NOSTRIN: variants seen among roughly 807,000 people sequenced by gnomAD.
NOSTRIN encodes nitric oxide synthase trafficking.
A neutral mutation model predicts 59.0 loss-of-function variants in NOSTRIN; 63 were observed. The ratio of observed to expected loss-of-function variants is 1.07; its 90% CI spans 0.87 to 1.32. The LOEUF (loss-of-function observed/expected upper bound fraction) is 1.32, where lower values mean the gene tolerates loss of function less well. Among genes scored for constraint, NOSTRIN ranks in the 40% most tolerant of loss-of-function variants. The pLI is 0.00. For synonymous variants in NOSTRIN, 200 were observed against 165.4 expected, an observed-to-expected ratio of 1.21 and a Z score of -1.61; for missense variants, 512 against 473.1, an observed-to-expected ratio of 1.08 and a Z score of -0.76.
intron 14 of NOSTRIN, 24 bp from the exon 15 acceptor site, chr2:168,861,936 T>A (rs746094861): frequency 6.2e-7 from 1 of 1,608,788 alleles, no homozygotes; most frequent in Non-Finnish European, 8.5e-7. Flanking sequence ...CACAGCATAC[T>A]AATTACAGCT....
chr2:168,864,771 T>C lies in NOSTRIN; in HGVS notation c.1385-63T>C. On this transcript the variant is annotated intron_variant, in intron 15 of 15. Transcript: ENST00000317647. The stretch of plus-strand genomic sequence containing the variant: ...AAGCAGAACCTCCTTAAAACTCTTA[T>C]CAATCGGGCTGAGGCATGTGTTCAC... 7 of 1,581,450 alleles carry C rather than the reference T, an allele frequency of 4.4e-6. No homozygotes were observed. The Admixed American group carries it at 7.0e-5, about 16-fold the overall frequency.
exon 2 of NOSTRIN, chr2:168,788,037 G>C (rs1281184165): frequency 6.6e-6 from 1 of 151,926 alleles, no homozygotes; most frequent in Non-Finnish European, 1.5e-5. Flanking sequence ...AAAGAAAATA[G>C]TGATAAGAAA....
At chr2:168,805,205 C>A (rs919306607) in intron 1 of NOSTRIN, among the ~76,000 whole-genome samples, 6 of 152,154 alleles carry the variant, frequency 3.9e-5, no homozygotes, top group African/African-American at 9.7e-5. Flanking sequence ...GACAGCTGGG[C>A]CTTTCAACCT....
At chr2:168,842,846 T>C (rs1574312596) in intron 7 of NOSTRIN, 146 bp from the exon 8 acceptor site, 5 of 626,174 alleles carry the variant, frequency 8.0e-6, no homozygotes, top group Non-Finnish European at 1.4e-5. Flanking sequence ...TAAAGATCTT[T>C]CATTTTGTCA....
chr2:168,859,027 TAA>T (rs1689281941), intron 12 of NOSTRIN: 1 of 152,784 alleles, frequency 6.5e-6, no homozygotes, highest in African/African-American at 2.4e-5. Flanking sequence ...AGTATTCCTG[TAA>T]ACTTTGTGGG....
rs544695977 is a variant in NOSTRIN, at chr2:168,823,284, A to G, written c.114-1350A>G. ...GCCCACCTCGGCCTCCCAAAATGCT[A>G]GGATTACAGGCGTGAGCCACCGCGC... On this transcript the variant is annotated intron_variant, in intron 2 of 15. Coordinates refer to ENST00000317647, the MANE Select transcript of NOSTRIN (RefSeq NM_001039724.4). Among the ~76,000 whole-genome samples the G allele has an allele frequency of 3.6e-4, 55 of 152,098 alleles. 1 individual carries two copies. In the South Asian group the frequency reaches 4.8e-3, roughly 13 times the overall value.
chr2:168,824,488 T>C, intron 2 of NOSTRIN, 146 bp from the exon 3 acceptor site: 1 of 534,128 alleles, frequency 1.9e-6, no homozygotes, highest in East Asian at 3.5e-5. Flanking sequence ...TAGTAGAGAC[T>C]GGGTTTCACC....
At chr2:168,851,204 AT>A (rs1427747571) in intron 9 of NOSTRIN, 22 bp downstream of exon 9, 42 of 1,614,018 alleles carry the variant, frequency 2.6e-5, no homozygotes, top group Non-Finnish European at 3.6e-5. Flanking sequence ...TGATCTCTCC[AT>A]TTCTGGTATG....
intron 1 of NOSTRIN, 62 bp downstream of exon 1, chr2:168,802,735 A>G: frequency 1.2e-6 from 1 of 846,378 alleles, no homozygotes; most frequent in East Asian, 2.4e-5. Flanking sequence ...GGATTTGTAT[A>G]TTAATGGATT....
chr2:168,855,432 C>A lies in NOSTRIN; in HGVS notation c.936C>A (p.Asp312Glu). 6.2e-7 allele frequency: 1 copy of A among 1,609,118 alleles called. No individual in the cohort carries two copies. The highest frequency in any genetic ancestry group is 8.5e-7 in the Non-Finnish European group (1 of 1,176,474). ...CAAAATTATTGAGACTGCAGAGAGACATTGAAAAAGCCTCAAAAGACAAGG... is the reference window on the plus strand; with the variant it reads ...CAAAATTATTGAGACTGCAGAGAGAAATTGAAAAAGCCTCAAAAGACAAGG... ...LKPKLLRLQR[D>E]IEKASKDKEG... The change falls in exon 11 of 16, where the codon GAC (aspartate) becomes GAA (glutamate). Residue 312 changes from aspartate (D) to glutamate (E), a missense_variant. Coordinates refer to ENST00000317647, the MANE Select transcript of NOSTRIN (RefSeq NM_001039724.4).
At chr2:168,832,080 T>G (rs555830889) in intron 6 of NOSTRIN, among the ~76,000 whole-genome samples, 21 of 152,050 alleles carry the variant, frequency 1.4e-4, no homozygotes, top group Admixed American at 3.3e-4. Context: ...CAGTGAGGGG[T>G]GGGTAGTGAT....
intron 12 of NOSTRIN, 158 bp from the exon 13 acceptor site, chr2:168,859,354 T>G (rs771976349): frequency 2.6e-4 from 291 of 1,102,194 alleles, no homozygotes; most frequent in Non-Finnish European, 3.5e-4. Flanking sequence ...AGTTTATTCC[T>G]CCATTTTTTT....
chr2:168,851,220 G>T (rs371444854), intron 9 of NOSTRIN, 38 bp downstream of exon 9: 430 of 1,613,924 alleles, frequency 2.7e-4, no homozygotes, highest in Non-Finnish European at 3.3e-4. Context: ...GGTATGCCTG[G>T]TAAGAAGGGG....
In NOSTRIN at chr2:168,842,973, C is replaced by A; in HGVS notation, c.505-19C>A. The stretch of plus-strand genomic sequence containing the variant: ...CAAAAATGTGTTAGTAAATGTGTGA[C>A]ATTGATGTTTTACATTAGCTCCTCA... On this transcript the variant is annotated intron_variant, in intron 7 of 15. Transcript: ENST00000317647. The A allele has an allele frequency of 1.2e-6, 1 of 868,298 alleles. No homozygotes were observed. Among genetic ancestry groups the A allele is most frequent in the Non-Finnish European group, 2.0e-6 (1 of 499,804 alleles). 53.8% of individuals were successfully genotyped at this position (868,298 alleles called of 1,614,324 possible).
At chr2:168,845,322 TAGG>T (rs1176818393) in intron 8 of NOSTRIN, among the ~76,000 whole-genome samples, 1 of 152,118 alleles carries the variant, frequency 6.6e-6, no homozygotes, top group Non-Finnish European at 1.5e-5. Flanking sequence ...ATGGCCCTGT[TAGG>T]AGATGGGAGA....
In NOSTRIN at chr2:168,851,227, G is replaced by A. The variant is rs137877657; in HGVS notation, c.729+45G>A. ...CCATTTCTGGTATGCCTGGTAAGAAGGGGCAGAAACCTTTCTTCGACAACC... is the reference window on the plus strand; with the variant it reads ...CCATTTCTGGTATGCCTGGTAAGAAAGGGCAGAAACCTTTCTTCGACAACC... On this transcript the variant is annotated intron_variant, in intron 9 of 15. Transcript: ENST00000317647. The A allele has an allele frequency of 5.0e-6, 8 of 1,614,048 alleles. No individual in the cohort carries two copies. The African/African-American group carries it at 9.3e-5, about 19-fold the overall frequency.
At chr2:168,792,529 A>C (rs1475514552) in intron 2 of NOSTRIN, among the ~76,000 whole-genome samples, 1 of 152,178 alleles carries the variant, frequency 6.6e-6, no homozygotes, top group African/African-American at 2.4e-5. Context: ...GACTCACTGC[A>C]ACCTCTGTCT....
At chr2:168,811,740 C>G in intron 2 of NOSTRIN, 88 bp downstream of exon 2, 1 of 577,356 alleles carries the variant, frequency 1.7e-6, no homozygotes, top group Admixed American at 3.7e-5. Flanking sequence ...AGCTGTCCTA[C>G]TTTCCAGAAT....
chr2:168,846,221 TATAAC>T (rs1688413918), intron 8 of NOSTRIN, among the ~76,000 whole-genome samples: 1 of 152,192 alleles, frequency 6.6e-6, no homozygotes, highest in Non-Finnish European at 1.5e-5. Context: ...CATGAAGACA[TATAAC>T]AAAAACAGCC....
Sources: allele counts gnomAD v4.1 joint callset (sites outside exome capture counted in the v4.1 genomes callset), GRCh38; gene constraint gnomAD v4.1.1; transcripts MANE v1.5; gene names NCBI Gene and HGNC (gene_info 2026-07-23, HGNC 2026-07-21).